Variants in SMCHD1 observed in about 807,000 individuals in gnomAD.
The protein encoded by SMCHD1 is structural maintenance of chromosomes flexible hinge domain containing 1.
A neutral mutation model predicts 254.7 loss-of-function variants in SMCHD1; 78 were observed. That is an observed-to-expected ratio of 0.31 (90% CI 0.26 to 0.37). The LOEUF (loss-of-function observed/expected upper bound fraction) is 0.37, where lower values mean the gene tolerates loss of function less well. Ranked by LOEUF, SMCHD1 falls within the 10% of genes least tolerant of loss-of-function variation. SMCHD1 has a pLI of 1.00. For synonymous variants in SMCHD1, 766 were observed against 794.9 expected (o/e 0.96, Z 0.61); for missense variants, 1,840 against 2,408.1 (o/e 0.76, Z 4.94).
At chr18:2,720,022 A>G (rs1277467528) in intron 19 of SMCHD1, among the ~76,000 whole-genome samples, 3 of 151,444 alleles carry the variant, frequency 2.0e-5, no homozygotes, top group African/African-American at 7.3e-5. Context: ...GGGTCTTGCT[A>G]TGTTATGTTG....
chr18:2,715,536 T>C lies in SMCHD1; in HGVS notation c.2261-2622T>C, dbSNP rs79022710. On this transcript the variant is annotated intron_variant, in intron 17 of 47. Coordinates refer to ENST00000320876, the MANE Select transcript of SMCHD1 (RefSeq NM_015295.3). ...TCACTACTTTATATTAGTTTTCAGC[T>C]ATCTCCTGTATCTCATAGAGCTTCT... Among the ~76,000 whole-genome samples, 769 of 152,196 alleles carry C rather than the reference T, an allele frequency of 5.1e-3. 4 individuals carry two copies. The highest frequency in any genetic ancestry group is 0.017 in the African/African-American group (697 of 41,558).
intron 3 of SMCHD1, 71 bp downstream of exon 3, chr18:2,667,102 C>G: frequency 9.0e-7 from 1 of 1,109,874 alleles, no homozygotes; most frequent in Middle Eastern, 2.6e-4. Flanking sequence ...GTATCCCATT[C>G]CTTCACTTTT....
intron 25 of SMCHD1, among the ~76,000 whole-genome samples, chr18:2,732,853 A>G (rs761344100): frequency 3.9e-5 from 6 of 152,248 alleles, no homozygotes; most frequent in East Asian, 1.9e-4. Context: ...TAAACAAAAG[A>G]TCTGTTAAAG....
At chr18:2,684,137 G>A (rs553303280) in intron 5 of SMCHD1, among the ~76,000 whole-genome samples, 3 of 152,134 alleles carry the variant, frequency 2.0e-5, no homozygotes, top group African/African-American at 7.2e-5. Flanking sequence ...TGGAGTTTGC[G>A]GGGAAGAGAG....
intron 26 of SMCHD1, among the ~76,000 whole-genome samples, chr18:2,738,995 T>G (rs1387396947): frequency 1.3e-5 from 2 of 152,234 alleles, no homozygotes; most frequent in East Asian, 3.8e-4. Flanking sequence ...TATCAATTTC[T>G]TGGCCACCTC....
chr18:2,686,217 A>G (rs1050668958), intron 5 of SMCHD1, among the ~76,000 whole-genome samples: 9 of 152,210 alleles, frequency 5.9e-5, no homozygotes, highest in Admixed American at 2.6e-4. Flanking sequence ...TCTCAAATTC[A>G]AAAATACAAA....
At chr18:2,771,920 T>C (rs1467885182) in intron 40 of SMCHD1, among the ~76,000 whole-genome samples, 1 of 152,124 alleles carries the variant, frequency 6.6e-6, no homozygotes, top group Non-Finnish European at 1.5e-5. Context: ...TAAGAGAAAA[T>C]AAAAAGCAAT....
At chr18:2,676,836 T>G (rs760776320) in intron 5 of SMCHD1, among the ~76,000 whole-genome samples, 89 of 152,216 alleles carry the variant, frequency 5.8e-4, no homozygotes, top group Non-Finnish European at 1.1e-3. Flanking sequence ...GTTTGTGAGA[T>G]TTCACTCCCA....
chr18:2,661,879 G>A (rs1385661783), intron 1 of SMCHD1, among the ~76,000 whole-genome samples: 8 of 152,060 alleles, frequency 5.3e-5, no homozygotes, highest in South Asian at 2.1e-4. Flanking sequence ...AAGAAAGGCC[G>A]GGCGCGGTGG....
rs112622633 is a variant in SMCHD1 at position 2,763,552 on chromosome 18, G to C, written c.4567-85G>C. The C allele has an allele frequency of 1.3e-3, 1,386 of 1,090,650 alleles. 15 individuals carry two copies. The African/African-American group carries it at 0.02, about 15-fold the overall frequency. The allele number at this position is 1,090,650 out of a possible 1,614,324, so 67.6% of individuals were successfully genotyped here. On this transcript the variant is annotated intron_variant, in intron 36 of 47. Coordinates refer to ENST00000320876, the MANE Select transcript of SMCHD1 (RefSeq NM_015295.3). ...GATAATTTAATGTTGGGGGCTCTCT[G>C]TATTATTTCTGATTTGTACATGCTC...
intron 46 of SMCHD1, 76 bp from the exon 47 acceptor site, chr18:2,796,331 C>A: frequency 1.0e-6 from 1 of 961,408 alleles, no homozygotes; most frequent in Non-Finnish European, 1.5e-6. Flanking sequence ...TAAATTATGA[C>A]ATATTCATGT....
intron 30 of SMCHD1, among the ~76,000 whole-genome samples, chr18:2,748,177 C>T (rs149077266): frequency 3.9e-4 from 60 of 151,996 alleles, no homozygotes; most frequent in African/African-American, 1.4e-3. Flanking sequence ...CAAGTATGAA[C>T]ATGGTCTTGT....
intron 17 of SMCHD1, among the ~76,000 whole-genome samples, chr18:2,710,444 A>G (rs1002693903): frequency 1.3e-5 from 2 of 152,224 alleles, no homozygotes; most frequent in African/African-American, 2.4e-5. Flanking sequence ...CGATCCTGGT[A>G]GGGATTACAC....
rs1182224174 is a variant in SMCHD1, at chr18:2,803,579, C to T, written c.*1027C>T. 6.6e-6 allele frequency: 1 copy of T among 151,972 alleles called. No homozygotes were observed. The highest frequency in any genetic ancestry group is 6.6e-5 in the Admixed American group (1 of 15,244). 9.4% of individuals were successfully genotyped at this position (151,972 alleles called of 1,614,324 possible). Reference sequence around the variant, plus strand: ...TTTAAACCCTTTCTAAATATGCAGGCCATTAATAAATAAGATTGTTTCTTC... The same window carrying T: ...TTTAAACCCTTTCTAAATATGCAGGTCATTAATAAATAAGATTGTTTCTTC... On this transcript the variant is annotated 3_prime_UTR_variant, in exon 48 of 48. Transcript: ENST00000320876.
chr18:2,760,923 TATATA>T (rs2075772823), intron 35 of SMCHD1, among the ~76,000 whole-genome samples, 184 bp downstream of exon 35: 1 of 152,214 alleles, frequency 6.6e-6, no homozygotes, highest in Non-Finnish European at 1.5e-5. Flanking sequence ...GGAAAATTAG[TATATA>T]ATATGTTTAA....
At chr18:2,764,729 T>C (rs1365671686) in intron 37 of SMCHD1, among the ~76,000 whole-genome samples, 2 of 152,206 alleles carry the variant, frequency 1.3e-5, no homozygotes, top group Admixed American at 1.3e-4. Flanking sequence ...ATATGGAGTA[T>C]GTGCATAGGC....
chr18:2,715,363 T>C (rs1031409612), intron 17 of SMCHD1, among the ~76,000 whole-genome samples: 5 of 152,176 alleles, frequency 3.3e-5, no homozygotes, highest in African/African-American at 9.6e-5. Flanking sequence ...CATTTTGAGA[T>C]TCTCCTGCTT....
At chr18:2,701,783 T>G (rs1049523915) in intron 12 of SMCHD1, among the ~76,000 whole-genome samples, 1 of 152,186 alleles carries the variant, frequency 6.6e-6, no homozygotes, top group Non-Finnish European at 1.5e-5. Context: ...CAGAGACTTT[T>G]GATACTACTC....
At chr18:2,791,118 A>T (rs2076312303) in intron 45 of SMCHD1, among the ~76,000 whole-genome samples, 1 of 152,204 alleles carries the variant, frequency 6.6e-6, no homozygotes, top group South Asian at 2.1e-4. Flanking sequence ...TAGAAGATAT[A>T]ATGGGAGAGG....
Sources: gnomAD v4.1 joint callset for allele counts (sites outside exome capture counted in the v4.1 genomes callset) on GRCh38, gnomAD v4.1.1 for gene constraint, MANE v1.5 for transcripts, NCBI Gene and HGNC (gene_info 2026-07-23, HGNC 2026-07-21) for gene names.